Variants in KLF15 observed in about 807,000 individuals in gnomAD.
KLF15 encodes the protein KLF transcription factor 15.
In KLF15, 4 loss-of-function variants were observed where a neutral mutation model predicts 24.6. The observed-to-expected ratio is 0.16, with a 90% CI of 0.08 to 0.37. The LOEUF is 0.37. Among genes scored for constraint, KLF15 ranks in the 10% least tolerant of loss-of-function variants. The pLI, the probability that KLF15 is intolerant of heterozygous loss-of-function variation, is 1.00. For missense variants in KLF15, 496 were observed against 560.6 expected, an observed-to-expected ratio of 0.88 and a Z score of 1.16; for synonymous variants, 246 against 236.3, an observed-to-expected ratio of 1.04 and a Z score of -0.37.
At position 126,352,260 on chromosome 3, in the gene KLF15, C is replaced by T; in HGVS notation, c.663G>A (p.Leu221=). 1 of 1,538,686 alleles carries T rather than the reference C, an allele frequency of 6.5e-7. No homozygotes were observed. Among genetic ancestry groups the T allele is most frequent in the Non-Finnish European group, 8.7e-7 (1 of 1,145,386 alleles). Residue 221 remains leucine (L), a synonymous_variant, in exon 2 of 3, where the codon CTG becomes CTA. Transcript: ENST00000296233. ...PTPDGPIPVL[L]QIQPVPVKQE... ...GCTTCACAGGCACGGGCTGGATCTG[C>T]AGCAACACTGGGATGGGGCCATCAG...
At chr3:126,303,228 T>A in the KLF15 span, among the ~76,000 whole-genome samples, 7 of 152,016 alleles carry the variant, frequency 4.6e-5, no homozygotes, top group Non-Finnish European at 1.5e-5. Context: ...CCCACATAGT[T>A]ACCATTTTCA....
At chr3:126,309,069 C>T in the KLF15 span, among the ~76,000 whole-genome samples, 8 of 152,322 alleles carry the variant, frequency 5.3e-5, no homozygotes, top group East Asian at 5.8e-4. Context: ...GGTGAGACAA[C>T]GCCAGTAATG....
chr3:126,343,744 C>T lies in KLF15; in HGVS notation c.1234G>A (p.Val412Met), dbSNP rs752858408. Residue 412 changes from valine (V) to methionine (M), a missense_variant, in exon 3 of 3, where the codon GTG becomes ATG. This residue lies in a region of KLF15 where 38 missense variants were observed against 31.5 expected (regional missense o/e 1.21). Coordinates refer to ENST00000296233, the MANE Select transcript of KLF15 (RefSeq NM_014079.4). The part of the protein sequence containing the change: ...VHRFPRSSRS[V>M]RSVN ...GGGCGCTTTCAGTTCACGGAGCGCA[C>T]GGAGCGGCTGCTCCGCGGGAAGCGG... The T allele has an allele frequency of 1.9e-6, 3 of 1,611,584 alleles. No individual in the cohort carries two copies. Among genetic ancestry groups the T allele is most frequent in the Non-Finnish European group, 2.5e-6 (3 of 1,179,590 alleles).
At chr3:126,299,487 C>T in the KLF15 span, among the ~76,000 whole-genome samples, 6 of 152,048 alleles carry the variant, frequency 3.9e-5, no homozygotes, top group Admixed American at 6.6e-5. Context: ...CGGTGGCTCA[C>T]GCCTGTAATC....
chr3:126,342,572 T>G (rs2082487771), downstream of KLF15: 1 of 152,494 alleles, frequency 6.6e-6, no homozygotes, highest in South Asian at 2.1e-4. Flanking sequence ...AGACATAGAC[T>G]CGGCCCCAGA....
downstream of KLF15, among the ~76,000 whole-genome samples, chr3:126,338,772 C>G (rs1245426261): frequency 6.6e-6 from 1 of 152,250 alleles, no homozygotes; most frequent in Non-Finnish European, 1.5e-5. Flanking sequence ...CAGCTCCCAG[C>G]ACCTGCTGCG....
chr3:126,342,249 A>G (rs897913289), downstream of KLF15, among the ~76,000 whole-genome samples: 2 of 152,128 alleles, frequency 1.3e-5, no homozygotes, highest in Non-Finnish European at 2.9e-5. Context: ...CAGCAAACAT[A>G]TAGGGCATGT....
chr3:126,341,730 A>G (rs1475287588), downstream of KLF15, among the ~76,000 whole-genome samples: 3 of 152,132 alleles, frequency 2.0e-5, no homozygotes, highest in Non-Finnish European at 2.9e-5. Flanking sequence ...CTGGGAGCCC[A>G]TGGGTGCCCT....
At chr3:126,301,010 T>G in the KLF15 span, among the ~76,000 whole-genome samples, 2 of 152,116 alleles carry the variant, frequency 1.3e-5, no homozygotes, top group African/African-American at 2.4e-5. Context: ...CACACAAACC[T>G]CACAAAGCCT....
chr3:126,310,427 C>A, the KLF15 span, among the ~76,000 whole-genome samples: 8 of 152,298 alleles, frequency 5.3e-5, no homozygotes, highest in East Asian at 1.5e-3. Flanking sequence ...ATGGCCCGTG[C>A]ACAATGTGGC....
chr3:126,323,730 A>C, the KLF15 span, among the ~76,000 whole-genome samples: 4 of 90,728 alleles, frequency 4.4e-5, no homozygotes, highest in African/African-American at 9.3e-5. Context: ...TTCAACTCCC[A>C]CTTATGAGTG....
At position 126,352,269 on chromosome 3, in the gene KLF15, T is replaced by G. The variant is rs931237449; in HGVS notation, c.654A>C (p.Pro218=). 3 of 1,539,120 alleles carry G rather than the reference T, an allele frequency of 1.9e-6. No individual in the cohort carries two copies. Among genetic ancestry groups the G allele is most frequent in the Admixed American group, 4.1e-5 (2 of 49,190 alleles). ...GCACGGGCTGGATCTGCAGCAACACTGGGATGGGGCCATCAGGCGTGGGGC... is the reference window on the plus strand; with the variant it reads ...GCACGGGCTGGATCTGCAGCAACACGGGGATGGGGCCATCAGGCGTGGGGC... ...GGGPTPDGPI[P]VLLQIQPVPV... Residue 218 remains proline (P), a synonymous_variant, in exon 2 of 3, where the codon CCA becomes CCC. Coordinates refer to ENST00000296233, the MANE Select transcript of KLF15 (RefSeq NM_014079.4).
chr3:126,316,862 C>T, the KLF15 span, among the ~76,000 whole-genome samples: 1 of 152,084 alleles, frequency 6.6e-6, no homozygotes, highest in Non-Finnish European at 1.5e-5. Flanking sequence ...GGGCTGAGTG[C>T]CCCCTCAGCA....
chr3:126,301,614 T>C, the KLF15 span, among the ~76,000 whole-genome samples: 44 of 110,658 alleles, frequency 4.0e-4, no homozygotes, highest in Middle Eastern at 4.1e-3. Flanking sequence ...CTTTTTCTTT[T>C]TTTTTTTTTT....
chr3:126,298,420 G>T, the KLF15 span, among the ~76,000 whole-genome samples: 2 of 146,212 alleles, frequency 1.4e-5, no homozygotes, highest in Non-Finnish European at 3.0e-5. Context: ...TTACTCTGCT[G>T]ATTATTATTA....
chr3:126,288,675 G>A, the KLF15 span, among the ~76,000 whole-genome samples: 1 of 152,240 alleles, frequency 6.6e-6, no homozygotes. Context: ...GACGCGGCCC[G>A]CTCACTTCGG....
Position 126,352,064 on chromosome 3 carries a change from C to A in KLF15, c.859G>T (p.Ala287Ser), listed in dbSNP as rs758256673. 14 of 1,531,386 alleles carry A rather than the reference C, an allele frequency of 9.1e-6. No individual in the cohort carries two copies. The highest frequency in any genetic ancestry group is 1.4e-5 in the African/African-American group (1 of 72,940). 94.9% of individuals were successfully genotyped at this position (1,531,386 alleles called of 1,614,324 possible). Residue 287 changes from alanine (A) to serine (S), a missense_variant, in exon 2 of 3, where the codon GCC becomes TCC. Around this residue, in one of 3 missense-constraint regions of KLF15, gnomAD observed 399 missense variants for 423.1 expected, o/e 0.94. Coordinates refer to ENST00000296233, the MANE Select transcript of KLF15 (RefSeq NM_014079.4). The part of the protein sequence containing the change: ...KFVRIAPVPI[A>S]AKPVGSGPLG... ...GGTCCCGATCCAACAGGCTTGGCGG[C>A]AATGGGCACAGGGGCAATGCGCACA...
chr3:126,351,883 C>A lies in KLF15; in HGVS notation c.1040G>T (p.Gly347Val). Residue 347 changes from glycine to valine, a missense_variant, in exon 2 of 3, where the codon GGT becomes GTT. By Grantham distance (109) the Gly-to-Val change is moderately radical. Transcript: ENST00000296233. ...HLKAHLRRHT[G>V]EKPFACTWPG... ...CCAGGTGCAGGCGAAGGGCTTCTCA[C>A]CCGTGTGCCGGCGCAGGTGGGCCTT... The A allele has an allele frequency of 6.2e-7, 1 of 1,614,098 alleles. No homozygotes were observed. Among genetic ancestry groups the A allele is most frequent in the Non-Finnish European group, 8.5e-7 (1 of 1,179,988 alleles).
At chr3:126,307,003 C>G in the KLF15 span, among the ~76,000 whole-genome samples, 2 of 150,290 alleles carry the variant, frequency 1.3e-5, no homozygotes, top group South Asian at 2.1e-4. Flanking sequence ...CACCCTCAGG[C>G]CCCCCATACT....
Sources: gnomAD v4.1 joint callset for allele counts (sites outside exome capture counted in the v4.1 genomes callset) on GRCh38, gnomAD v4.1.1 for gene constraint, gnomAD v4.1.1 regional missense constraint, MANE v1.5 for transcripts, NCBI Gene and HGNC (gene_info 2026-07-23, HGNC 2026-07-21) for gene names.